The following GNG12 variants were observed in gnomAD, a reference collection of about 807,000 sequenced individuals.
GNG12 encodes the protein guanine nucleotide-binding protein G(I)/G(S)/G(O) subunit gamma-12.
For missense variants in GNG12, 69 were observed against 83.8 expected, an observed-to-expected ratio of 0.82 and a Z score of 0.69; for synonymous variants, 28 against 29.7, an observed-to-expected ratio of 0.94 and a Z score of 0.19.
chr1:67,808,205 ACATGATCGTATCAACAGATG>A (rs1318758644), intron 1 of GNG12, among the ~76,000 whole-genome samples: 1 of 152,152 alleles, frequency 6.6e-6, no homozygotes, highest in African/African-American at 2.4e-5. Context: ...AAGAAAAGTC[ACATGATCGTATCAACAGATG>A]CAGAAAAAGC....
chr1:67,831,829 T>C (rs1365886732), intron 1 of GNG12, among the ~76,000 whole-genome samples: 2 of 152,202 alleles, frequency 1.3e-5, no homozygotes, highest in African/African-American at 2.4e-5. Context: ...TTGAATGTGA[T>C]TGTTTTGGCA....
intron 1 of GNG12, among the ~76,000 whole-genome samples, chr1:67,808,435 G>C (rs1646905307): frequency 6.6e-6 from 1 of 152,030 alleles, no homozygotes; most frequent in African/African-American, 2.4e-5. Flanking sequence ...TCAACTTTTT[G>C]CTGCAATTCC....
chr1:67,793,232 G>A (rs1488971872), intron 1 of GNG12, among the ~76,000 whole-genome samples: 1 of 152,180 alleles, frequency 6.6e-6, no homozygotes, highest in East Asian at 1.9e-4. Flanking sequence ...AAATAAGTCA[G>A]ACTCAGCTTA....
chr1:67,714,532 T>C (rs1456189621), intron 2 of GNG12, among the ~76,000 whole-genome samples: 2 of 152,218 alleles, frequency 1.3e-5, no homozygotes, highest in African/African-American at 2.4e-5. Flanking sequence ...CAAAGGATAC[T>C]TGGTTTCCGA....
At chr1:67,815,398 G>A (rs1171132394) in intron 1 of GNG12, among the ~76,000 whole-genome samples, 4 of 152,038 alleles carry the variant, frequency 2.6e-5, no homozygotes, top group Non-Finnish European at 5.9e-5. Flanking sequence ...GTATGATGAC[G>A]CTGGCCATGA....
chr1:67,709,887 TAG>T (rs1253856988), intron 2 of GNG12, among the ~76,000 whole-genome samples: 1 of 117,090 alleles, frequency 8.5e-6, no homozygotes, highest in African/African-American at 3.5e-5. Context: ...TTTATATATA[TAG>T]TTATATATAT....
intron 1 of GNG12, among the ~76,000 whole-genome samples, chr1:67,828,658 C>T (rs948869113): frequency 6.6e-6 from 1 of 152,180 alleles, no homozygotes; most frequent in Non-Finnish European, 1.5e-5. Context: ...TACTGTCTTC[C>T]AGGTGTCTGA....
At chr1:67,827,067 C>T (rs1647015097) in intron 1 of GNG12, among the ~76,000 whole-genome samples, 2 of 152,238 alleles carry the variant, frequency 1.3e-5, no homozygotes, top group African/African-American at 4.8e-5. Context: ...CAAGACAATT[C>T]TCTACACACA....
chr1:67,829,251 C>T (rs1647029428), intron 1 of GNG12, among the ~76,000 whole-genome samples: 1 of 152,068 alleles, frequency 6.6e-6, no homozygotes, highest in Non-Finnish European at 1.5e-5. Flanking sequence ...TGCTTTTCCC[C>T]ATTTTAAACT....
chr1:67,766,723 A>G (rs1384762676), intron 2 of GNG12, among the ~76,000 whole-genome samples: 1 of 151,212 alleles, frequency 6.6e-6, no homozygotes, highest in Non-Finnish European at 1.5e-5. Context: ...CTGAGAAACC[A>G]CAAAGCAAGC....
At chr1:67,718,287 T>G (rs1444949168) in intron 2 of GNG12, among the ~76,000 whole-genome samples, 1 of 152,104 alleles carries the variant, frequency 6.6e-6, no homozygotes, top group Admixed American at 6.6e-5. Flanking sequence ...GCCCTCTTTC[T>G]AACTCCTCAG....
At chr1:67,752,355 T>C (rs1337547110) in intron 2 of GNG12, among the ~76,000 whole-genome samples, 1 of 152,240 alleles carries the variant, frequency 6.6e-6, no homozygotes, top group East Asian at 1.9e-4. Flanking sequence ...GGTCTGAATG[T>C]ACCAGGATCA....
At chr1:67,815,269 A>G (rs1294801088) in intron 1 of GNG12, among the ~76,000 whole-genome samples, 1 of 152,228 alleles carries the variant, frequency 6.6e-6, no homozygotes, top group African/African-American at 2.4e-5. Context: ...TATCCCTGAT[A>G]AAAATAAGAA....
intron 1 of GNG12, among the ~76,000 whole-genome samples, chr1:67,827,446 G>A (rs1285639587): frequency 6.7e-6 from 1 of 149,656 alleles, no homozygotes; most frequent in Non-Finnish European, 1.5e-5. Context: ...ATTTTTTTAA[G>A]ATGGCATCTT....
chr1:67,763,383 T>C (rs752731309), intron 2 of GNG12, among the ~76,000 whole-genome samples: 63 of 152,222 alleles, frequency 4.1e-4, no homozygotes, highest in Admixed American at 9.2e-4. Context: ...TTCCTGAGTA[T>C]GTCTTGGTTT....
At chr1:67,756,980 T>C (rs1406303782) in intron 2 of GNG12, among the ~76,000 whole-genome samples, 1 of 152,210 alleles carries the variant, frequency 6.6e-6, no homozygotes, top group East Asian at 1.9e-4. Flanking sequence ...TCTTCCTCCA[T>C]GCTATAGTAC....
At chr1:67,792,076 T>C (rs1646804581) in intron 1 of GNG12, among the ~76,000 whole-genome samples, 1 of 152,176 alleles carries the variant, frequency 6.6e-6, no homozygotes, top group African/African-American at 2.4e-5. Flanking sequence ...TCAAGCGTTA[T>C]CTCCTCAGAA....
At chr1:67,746,130 T>C (rs1314934200) in intron 2 of GNG12, among the ~76,000 whole-genome samples, 1 of 152,152 alleles carries the variant, frequency 6.6e-6, no homozygotes, top group East Asian at 1.9e-4. Flanking sequence ...GGAGGTGGTT[T>C]GGGTGGAGAA....
rs984283151 is a variant in GNG12 at position 67,703,985 on chromosome 1, A to C, written c.*1466T>G. 1 of 152,268 alleles carries C rather than the reference A, an allele frequency of 6.6e-6. No individual in the cohort carries two copies. Among genetic ancestry groups the C allele is most frequent in the Non-Finnish European group, 1.5e-5 (1 of 68,050 alleles). 9.4% of individuals were successfully genotyped at this position (152,268 alleles called of 1,614,324 possible). Reference sequence around the variant, plus strand: ...GTTACTTTTAATGAACTGAAGAAGAATTAAAGCATCAAAGGCCTAGTGTAT... The same window carrying C: ...GTTACTTTTAATGAACTGAAGAAGACTTAAAGCATCAAAGGCCTAGTGTAT... On this transcript the variant is annotated 3_prime_UTR_variant, in exon 4 of 4. Coordinates refer to ENST00000370982, the MANE Select transcript of GNG12 (RefSeq NM_018841.6).
Sources: allele counts gnomAD v4.1 joint callset (sites outside exome capture counted in the v4.1 genomes callset), GRCh38; gene constraint gnomAD v4.1.1; transcripts MANE v1.5; gene names NCBI Gene and HGNC (gene_info 2026-07-23, HGNC 2026-07-21).